L3MBTL4: variants seen among roughly 807,000 people sequenced by gnomAD.
L3MBTL4 encodes the protein lethal(3)malignant brain tumor-like protein 4.
In L3MBTL4, 70 loss-of-function variants were observed where a neutral mutation model predicts 84.5. The ratio of observed to expected loss-of-function variants is 0.83; its 90% confidence interval spans 0.68 to 1.01. The LOEUF (loss-of-function observed/expected upper bound fraction) is 1.01. Among genes scored for constraint, L3MBTL4 ranks in the 50% least tolerant of loss-of-function variants. The pLI is 0.00. For synonymous variants in L3MBTL4, 274 were observed against 259.8 expected (o/e 1.05, Z -0.52); for missense variants, 715 against 754.8 (o/e 0.95, Z 0.62).
intron 16 of L3MBTL4, among the ~76,000 whole-genome samples, chr18:6,073,463 G>A (rs62079160): frequency 2.0e-5 from 3 of 151,952 alleles, no homozygotes; most frequent in African/African-American, 7.3e-5. Flanking sequence ...TCCTGTCTGT[G>A]AATTCATCTA....
chr18:6,345,381 G>GT (rs1417115667), intron 1 of L3MBTL4, among the ~76,000 whole-genome samples: 2 of 151,756 alleles, frequency 1.3e-5, no homozygotes, highest in Non-Finnish European at 2.9e-5. Flanking sequence ...TGGCAACAGA[G>GT]TAAGACTCCG....
intron 16 of L3MBTL4, among the ~76,000 whole-genome samples, chr18:6,035,540 T>C (rs1337254522): frequency 6.6e-6 from 1 of 152,124 alleles, no homozygotes; most frequent in African/African-American, 2.4e-5. Context: ...CATGCTGTTT[T>C]GGTTACTGTA....
chr18:6,252,646 G>T (rs1359723722), intron 5 of L3MBTL4, among the ~76,000 whole-genome samples: 2 of 152,148 alleles, frequency 1.3e-5, no homozygotes, highest in African/African-American at 2.4e-5. Context: ...TCAAGTGATG[G>T]TGATACTAAA....
chr18:6,341,202 G>A (rs2052592799), intron 1 of L3MBTL4, among the ~76,000 whole-genome samples: 1 of 151,972 alleles, frequency 6.6e-6, no homozygotes, highest in African/African-American at 2.4e-5. Context: ...ACAATGCAAT[G>A]CTTCTAGGAA....
At position 6,215,814 on chromosome 18, in the gene L3MBTL4, A is replaced by T; in HGVS notation, c.806T>A (p.Phe269Tyr). 1 of 1,603,120 alleles carries T rather than the reference A, an allele frequency of 6.2e-7. No homozygotes were observed. The change falls in exon 11 of 19, where the codon TTT becomes TAT. Residue 269 changes from phenylalanine (F) to tyrosine (Y), a missense_variant. Physicochemically the swap from Phe to Tyr is conservative, Grantham distance 22 (BLOSUM62 3). Transcript: ENST00000317931. ...APQGYPNPEN[F>Y]SWTEYLEATQ... is the part of the protein sequence containing the mutation. The stretch of plus-strand genomic sequence containing the variant: ...AGCTTCCAGGTATTCTGTCCAGGAA[A>T]AATTTTCTGGATTGGGATAACCTGA...
intron 14 of L3MBTL4, among the ~76,000 whole-genome samples, chr18:6,112,910 G>A (rs1162196588): frequency 2.0e-5 from 3 of 152,072 alleles, no homozygotes; most frequent in African/African-American, 7.2e-5. Flanking sequence ...TCAGTTCTTA[G>A]TACATTTAGA....
At chr18:6,323,093 G>A (rs1007617227) in intron 1 of L3MBTL4, among the ~76,000 whole-genome samples, 12 of 152,092 alleles carry the variant, frequency 7.9e-5, no homozygotes, top group African/African-American at 2.7e-4. Flanking sequence ...TTTGTTTTCT[G>A]CCATGACTGT....
chr18:6,255,507 C>T (rs181053498), intron 5 of L3MBTL4, among the ~76,000 whole-genome samples: 28 of 152,246 alleles, frequency 1.8e-4, no homozygotes, highest in African/African-American at 5.5e-4. Flanking sequence ...TTAGAAACTA[C>T]GGGAAATGAG....
rs1279157018 is a variant in L3MBTL4, at chr18:6,311,619, G to A, written c.7C>T (p.Gln3Ter). 6.2e-7 allele frequency: 1 copy of A among 1,613,532 alleles called. No individual in the cohort carries two copies. The highest frequency in any genetic ancestry group is 8.5e-7 in the Non-Finnish European group (1 of 1,179,682). MK[Q>*]PNRKRKLNMD... ...TTAAGCTTCCTTTTCCTGTTGGGCT[G>A]TTTCATTGCCACCCCCGCACTCCTT... The change falls in exon 3 of 19, where the codon CAG becomes TAG. Residue 3 changes from glutamine to a stop codon, truncating the protein, a stop_gained. Transcript: ENST00000317931. LOFTEE classifies it high-confidence loss of function.
intron 10 of L3MBTL4, among the ~76,000 whole-genome samples, chr18:6,227,317 C>T (rs1403241775): frequency 6.6e-6 from 1 of 152,100 alleles, no homozygotes; most frequent in Admixed American, 6.5e-5. Flanking sequence ...ACACTCCACC[C>T]AACAACAGCA....
At chr18:6,010,502 G>T (rs950628330) in intron 16 of L3MBTL4, among the ~76,000 whole-genome samples, 1 of 152,092 alleles carries the variant, frequency 6.6e-6, no homozygotes, top group African/African-American at 2.4e-5. Flanking sequence ...ATAAATGATC[G>T]CTGTAGTCAG....
intron 1 of L3MBTL4, among the ~76,000 whole-genome samples, chr18:6,370,475 G>A (rs548030277): frequency 1.3e-5 from 2 of 152,286 alleles, no homozygotes; most frequent in East Asian, 1.9e-4. Context: ...CCAGCCGCCC[G>A]TCTATGAGCA....
chr18:6,032,788 G>A (rs2055898585), intron 16 of L3MBTL4, among the ~76,000 whole-genome samples: 1 of 152,126 alleles, frequency 6.6e-6, no homozygotes, highest in African/African-American at 2.4e-5. Flanking sequence ...TACCTCATAT[G>A]AGTGGAATCA....
intron 16 of L3MBTL4, chr18:6,032,271 T>C (rs1292889806): frequency 2.6e-5 from 25 of 954,380 alleles, no homozygotes; most frequent in Middle Eastern, 4.3e-4. Context: ...GCCACCGCAC[T>C]CGGCCTTAAA....
chr18:6,360,699 G>C (rs1018387312), intron 1 of L3MBTL4, among the ~76,000 whole-genome samples: 1 of 151,940 alleles, frequency 6.6e-6, no homozygotes, highest in Non-Finnish European at 1.5e-5. Flanking sequence ...AATGATACTG[G>C]GGCAGAGTGC....
intron 4 of L3MBTL4, among the ~76,000 whole-genome samples, chr18:6,271,592 C>T (rs1269070972): frequency 1.3e-5 from 2 of 152,130 alleles, no homozygotes; most frequent in South Asian, 2.1e-4. Context: ...GAATAATCTA[C>T]GATAAGTGTA....
At chr18:5,989,733 G>T (rs2053606656) in intron 16 of L3MBTL4, among the ~76,000 whole-genome samples, 1 of 152,224 alleles carries the variant, frequency 6.6e-6, no homozygotes, top group Non-Finnish European at 1.5e-5. Flanking sequence ...TCTCAGGTGA[G>T]GCTAATGTTA....
At chr18:6,176,461 T>C (rs1332438258) in intron 12 of L3MBTL4, among the ~76,000 whole-genome samples, 1 of 152,050 alleles carries the variant, frequency 6.6e-6, no homozygotes, top group Non-Finnish European at 1.5e-5. Flanking sequence ...GAAAGTACAG[T>C]CTTTTCAACA....
At chr18:6,095,794 A>G (rs2058622785) in intron 14 of L3MBTL4, among the ~76,000 whole-genome samples, 3 of 152,230 alleles carry the variant, frequency 2.0e-5, no homozygotes, top group Non-Finnish European at 4.4e-5. Context: ...AGAGCAGGCC[A>G]GCATACGCTT....
Sources: allele counts gnomAD v4.1 joint callset (sites outside exome capture counted in the v4.1 genomes callset), GRCh38; gene constraint gnomAD v4.1.1; transcripts MANE v1.5; gene names NCBI Gene and HGNC (gene_info 2026-07-23, HGNC 2026-07-21).